Variants in ACER3 observed in about 807,000 individuals in gnomAD.
The protein encoded by ACER3 is alkaline ceramidase 3.
A neutral mutation model predicts 48.9 loss-of-function variants in ACER3; 16 were observed. The ratio of observed to expected loss-of-function variants is 0.33; its 90% confidence interval spans 0.22 to 0.50. The LOEUF is 0.50. Among genes scored for constraint, ACER3 ranks in the 20% least tolerant of loss-of-function variants. ACER3 has a pLI of 0.98. For missense variants in ACER3, 227 were observed against 326.0 expected (o/e 0.70, Z 2.34); for synonymous variants, 109 against 107.8 (o/e 1.01, Z -0.07).
At chr11:76,861,950 G>T (rs1181961961) in intron 1 of ACER3, among the ~76,000 whole-genome samples, 2 of 152,218 alleles carry the variant, frequency 1.3e-5, no homozygotes, top group Non-Finnish European at 2.9e-5. Context: ...GCCTATGTGG[G>T]TGTCTGTCTG....
intron 1 of ACER3, among the ~76,000 whole-genome samples, chr11:76,898,014 A>G (rs776433776): frequency 3.3e-5 from 5 of 152,170 alleles, no homozygotes; most frequent in Non-Finnish European, 7.3e-5. Flanking sequence ...TTATTGCTTC[A>G]TAAAAGGCAC....
intron 1 of ACER3, among the ~76,000 whole-genome samples, chr11:76,896,337 C>G (rs555335551): frequency 6.6e-6 from 1 of 152,108 alleles, no homozygotes; most frequent in African/African-American, 2.4e-5. Context: ...TCATTTTTGT[C>G]CTCCTATGCC....
chr11:76,939,163 A>G (rs1276618592), intron 2 of ACER3, among the ~76,000 whole-genome samples: 3 of 152,226 alleles, frequency 2.0e-5, no homozygotes, highest in African/African-American at 7.2e-5. Flanking sequence ...GTAGAATGCC[A>G]ACTAATAAAT....
At chr11:76,936,183 A>G (rs552481192) in intron 2 of ACER3, among the ~76,000 whole-genome samples, 15 of 152,346 alleles carry the variant, frequency 9.8e-5, no homozygotes, top group African/African-American at 3.6e-4. Flanking sequence ...GCAGGCAAAG[A>G]GTAGATTCGA....
rs560082981 is a variant in ACER3, at chr11:76,959,225, C to G, written c.267+194C>G. ...GGTGAGTCCATAAGGAAAACAAGTA[C>G]AAATAGTATAGGGCTTTTTGACCAT... On this transcript the variant is annotated intron_variant, in intron 3 of 10. Coordinates refer to ENST00000532485, the MANE Select transcript of ACER3 (RefSeq NM_018367.7). 1.4e-3 allele frequency: 2,097 copies of G among 1,461,186 alleles called. 27 individuals carry two copies. The South Asian group carries it at 0.017, about 12-fold the overall frequency. The allele number at this position is 1,461,186 out of a possible 1,614,324, so 90.5% of individuals were successfully genotyped here.
In ACER3 at chr11:76,996,472, GCAA is replaced by G. The variant is rs1049400510; in HGVS notation, c.439-2290_439-2288del. ...TTGCTCTTGTTGCCCAGGCTGGAGT[GCAA>G]TAGCACGATCTTGGCTCACTGCAAC... On this transcript the variant is annotated intron_variant, in intron 6 of 10. Coordinates refer to ENST00000532485, the MANE Select transcript of ACER3 (RefSeq NM_018367.7). Among the ~76,000 whole-genome samples the G allele has an allele frequency of 3.3e-5, 5 of 151,852 alleles. No homozygotes were observed. The East Asian group carries it at 9.7e-4, about 29-fold the overall frequency.
At chr11:76,864,725 A>T (rs1232027748) in intron 1 of ACER3, among the ~76,000 whole-genome samples, 1 of 147,956 alleles carries the variant, frequency 6.8e-6, no homozygotes, top group Non-Finnish European at 1.5e-5. Flanking sequence ...TCAGCCTCCC[A>T]AGTAGCTGGG....
intron 6 of ACER3, chr11:76,994,245 TCAGCCACC>T (rs751705375): frequency 8.9e-6 from 4 of 451,198 alleles, no homozygotes; most frequent in Non-Finnish European, 1.8e-5. Context: ...TTCTTATGCC[TCAGCCACC>T]CAGGTAGCTG....
At chr11:77,015,169 G>A (rs1555023067) in intron 8 of ACER3, 52 bp downstream of exon 8, 1 of 1,012,920 alleles carries the variant, frequency 9.9e-7, no homozygotes, top group Admixed American at 2.1e-5. Flanking sequence ...ATTTTATTAA[G>A]TAGAGAATTT....
chr11:76,993,933 G>A (rs920724769), intron 6 of ACER3, among the ~76,000 whole-genome samples: 1 of 152,184 alleles, frequency 6.6e-6, no homozygotes, highest in Non-Finnish European at 1.5e-5. Flanking sequence ...CTGCAGACCT[G>A]TACCAGTCTG....
chr11:76,962,169 C>T (rs1948010979), intron 3 of ACER3, among the ~76,000 whole-genome samples: 1 of 150,454 alleles, frequency 6.6e-6, no homozygotes, highest in Non-Finnish European at 1.5e-5. Flanking sequence ...CCTGCCTCAG[C>T]CTCCCGAGTA....
chr11:76,921,995 A>C (rs1428364150), intron 1 of ACER3, among the ~76,000 whole-genome samples: 1 of 152,174 alleles, frequency 6.6e-6, no homozygotes, highest in African/African-American at 2.4e-5. Context: ...ATAGATAAAC[A>C]TCCCAATGAG....
intron 7 of ACER3, chr11:77,011,376 G>GT (rs1293609448): frequency 8.1e-6 from 8 of 985,494 alleles, no homozygotes; most frequent in Middle Eastern, 5.2e-4. Flanking sequence ...ATTGGCCATG[G>GT]TAAGTAAGTT....
intron 4 of ACER3, among the ~76,000 whole-genome samples, chr11:76,981,326 T>C (rs1376731444): frequency 6.6e-6 from 1 of 152,208 alleles, no homozygotes; most frequent in Non-Finnish European, 1.5e-5. Context: ...ACACTTTAAG[T>C]GACACTTAGA....
intron 1 of ACER3, among the ~76,000 whole-genome samples, chr11:76,881,324 T>TA (rs1195340702): frequency 2.0e-4 from 31 of 151,880 alleles, no homozygotes; most frequent in Non-Finnish European, 4.3e-4. Context: ...GGCAACAAAT[T>TA]ATCAGGTTTA....
intron 1 of ACER3, among the ~76,000 whole-genome samples, chr11:76,900,219 T>A (rs887558356): frequency 2.0e-5 from 3 of 152,084 alleles, no homozygotes; most frequent in Admixed American, 2.0e-4. Flanking sequence ...GGAAGTGGAT[T>A]GTCATGAACG....
intron 2 of ACER3, among the ~76,000 whole-genome samples, chr11:76,929,213 CT>C (rs1393116598): frequency 1.3e-5 from 2 of 152,064 alleles, no homozygotes; most frequent in Non-Finnish European, 1.5e-5. Context: ...ATTTTATTCT[CT>C]TTGAAGCAAT....
intron 7 of ACER3, among the ~76,000 whole-genome samples, chr11:77,001,499 G>A (rs1193041143): frequency 6.6e-6 from 1 of 152,092 alleles, no homozygotes; most frequent in Non-Finnish European, 1.5e-5. Flanking sequence ...CATGTGATCT[G>A]CCTGTCTCGG....
intron 1 of ACER3, among the ~76,000 whole-genome samples, chr11:76,922,967 C>T (rs967855391): frequency 1.3e-5 from 2 of 151,946 alleles, no homozygotes; most frequent in African/African-American, 4.8e-5. Context: ...AAACTATTCC[C>T]AACGATCTTA....
Sources: allele counts gnomAD v4.1 joint callset (sites outside exome capture counted in the v4.1 genomes callset), GRCh38; gene constraint gnomAD v4.1.1; transcripts MANE v1.5; gene names NCBI Gene and HGNC (gene_info 2026-07-23, HGNC 2026-07-21).